RANBP17: variants seen among roughly 807,000 people sequenced by gnomAD.
RANBP17 encodes RAN binding protein 17.
In RANBP17, 158 loss-of-function variants were observed where a neutral mutation model predicts 141.2. The ratio of observed to expected loss-of-function variants is 1.12; its 90% CI spans 0.98 to 1.28. RANBP17 has a LOEUF of 1.28. RANBP17 is among the 50% of genes most tolerant of loss of function. RANBP17 has a pLI of 0.00. For synonymous variants in RANBP17, 430 were observed against 450.0 expected, an observed-to-expected ratio of 0.96 and a Z score of 0.56; for missense variants, 1,438 against 1,290.7, an observed-to-expected ratio of 1.11 and a Z score of -1.75.
At chr5:171,185,790 A>T (rs1228725636) in intron 18 of RANBP17, among the ~76,000 whole-genome samples, 1 of 152,204 alleles carries the variant, frequency 6.6e-6, no homozygotes, top group African/African-American at 2.4e-5. Flanking sequence ...GTTAATGTTG[A>T]TATTATGACC....
chr5:171,015,568 T>C (rs1448286257), intron 14 of RANBP17, among the ~76,000 whole-genome samples: 1 of 152,178 alleles, frequency 6.6e-6, no homozygotes, highest in Non-Finnish European at 1.5e-5. Flanking sequence ...TTGGTTTTAA[T>C]GTCTTTGTCT....
intron 14 of RANBP17, among the ~76,000 whole-genome samples, chr5:171,020,490 T>C (rs1780770845): frequency 6.6e-6 from 1 of 152,206 alleles, no homozygotes; most frequent in South Asian, 2.1e-4. Flanking sequence ...TTAGCTCTTC[T>C]TGTTGAATTG....
At chr5:170,893,259 A>G (rs949362069) in intron 4 of RANBP17, among the ~76,000 whole-genome samples, 1 of 151,868 alleles carries the variant, frequency 6.6e-6, no homozygotes, top group Non-Finnish European at 1.5e-5. Flanking sequence ...AAACCAAACC[A>G]AACCAAAACA....
intron 16 of RANBP17, among the ~76,000 whole-genome samples, chr5:171,180,511 A>G (rs981123770): frequency 2.0e-5 from 3 of 152,172 alleles, no homozygotes; most frequent in South Asian, 2.1e-4. Flanking sequence ...GCCATAATTT[A>G]TCTAGTGCTC....
intron 21 of RANBP17, 102 bp from the exon 22 acceptor site, chr5:171,221,656 T>G (rs1763563333): frequency 1.4e-6 from 1 of 699,086 alleles, no homozygotes; most frequent in South Asian, 1.6e-5. Flanking sequence ...AAGAGACAAT[T>G]GTACTGCTGC....
intron 25 of RANBP17, among the ~76,000 whole-genome samples, chr5:171,268,409 G>A (rs1228517068): frequency 1.3e-5 from 2 of 152,128 alleles, no homozygotes; most frequent in African/African-American, 4.8e-5. Flanking sequence ...TTTGAAGCAA[G>A]GTCTGTTTGA....
chr5:170,980,748 A>G (rs1225384509), intron 14 of RANBP17, among the ~76,000 whole-genome samples: 3 of 152,146 alleles, frequency 2.0e-5, no homozygotes. Flanking sequence ...CTCATGGAGA[A>G]CCTCTGCTAA....
intron 12 of RANBP17, among the ~76,000 whole-genome samples, chr5:170,952,021 T>C (rs1368983818): frequency 6.6e-6 from 1 of 151,928 alleles, no homozygotes; most frequent in Non-Finnish European, 1.5e-5. Flanking sequence ...AGAGAAAATA[T>C]TAAGTAGAAA....
intron 14 of RANBP17, among the ~76,000 whole-genome samples, chr5:171,000,614 CT>C (rs1779134614): frequency 6.6e-6 from 1 of 152,154 alleles, no homozygotes; most frequent in African/African-American, 2.4e-5. Flanking sequence ...ACCAAACAGC[CT>C]TTGTGTGAGC....
intron 20 of RANBP17, among the ~76,000 whole-genome samples, chr5:171,212,020 G>A (rs945450288): frequency 4.6e-5 from 7 of 152,128 alleles, no homozygotes; most frequent in African/African-American, 1.4e-4. Flanking sequence ...CCCTCAAAAA[G>A]CTTATAATAG....
chr5:171,175,676 A>T (rs1047971234), intron 16 of RANBP17, among the ~76,000 whole-genome samples: 7 of 152,218 alleles, frequency 4.6e-5, no homozygotes, highest in African/African-American at 1.7e-4. Flanking sequence ...AACATATGAA[A>T]AAAAGCTCAT....
At chr5:171,062,986 C>G (rs245758) in intron 14 of RANBP17, among the ~76,000 whole-genome samples, 91,436 of 150,492 alleles carry the variant, frequency 0.61, 29,005 homozygotes, top group South Asian at 0.87. Flanking sequence ...TCACGTAGTT[C>G]TCGAGCCTTG....
At chr5:171,074,188 C>T (rs1307583420) in intron 14 of RANBP17, among the ~76,000 whole-genome samples, 2 of 152,130 alleles carry the variant, frequency 1.3e-5, no homozygotes. Context: ...TGTGGTAGCA[C>T]ATCTGTGGTA....
chr5:170,892,670 G>T, intron 4 of RANBP17, 117 bp downstream of exon 4: 11 of 694,314 alleles, frequency 1.6e-5, no homozygotes, highest in East Asian at 5.7e-5. Context: ...TGTTAATTAT[G>T]ATTTATTATT....
At chr5:170,897,049 A>G (rs1770191366) in intron 5 of RANBP17, 2 of 886,854 alleles carry the variant, frequency 2.3e-6, no homozygotes, top group East Asian at 2.9e-5. Context: ...TTATGAGGCA[A>G]TAAGCAGCTT....
At chr5:171,089,687 A>G (rs1786062295) in intron 14 of RANBP17, among the ~76,000 whole-genome samples, 1 of 152,140 alleles carries the variant, frequency 6.6e-6, no homozygotes, top group African/African-American at 2.4e-5. Context: ...GCCGGTCTGA[A>G]AAGCGCAATA....
rs549099740 is a variant in RANBP17, at chr5:171,090,237, C to G, written c.1711-79893C>G. 2.0e-5 allele frequency among the ~76,000 whole-genome samples: 3 copies of G among 152,206 alleles called. No homozygotes were observed. In the East Asian group the frequency reaches 5.8e-4, roughly 29 times the overall value. ...AGTGAAATCCAGGCTGAGGTGGTCT[C>G]AGATGGAGATGAGGAACTTGTTGGG... On this transcript the variant is annotated intron_variant, in intron 14 of 27. Transcript: ENST00000523189.
intron 14 of RANBP17, chr5:171,028,738 C>A (rs559643930): frequency 2.0e-5 from 7 of 357,666 alleles, no homozygotes; most frequent in South Asian, 1.7e-4. Context: ...CAGAGACTTT[C>A]CTTGCTTGCA....
chr5:171,089,319 CA>C (rs2127724591), intron 14 of RANBP17, among the ~76,000 whole-genome samples: 1 of 121,998 alleles, frequency 8.2e-6, no homozygotes. Flanking sequence ...TGCCCGTTCT[CA>C]GATCTCCAGC....
Sources: allele counts gnomAD v4.1 joint callset (sites outside exome capture counted in the v4.1 genomes callset), GRCh38; gene constraint gnomAD v4.1.1; transcripts MANE v1.5; gene names NCBI Gene and HGNC (gene_info 2026-07-23, HGNC 2026-07-21).